Variants in RAD51B observed in about 807,000 individuals in gnomAD.
The protein encoded by RAD51B is DNA repair protein RAD51 homolog 2.
A neutral mutation model predicts 42.2 loss-of-function variants in RAD51B; 38 were observed. The ratio of observed to expected loss-of-function variants is 0.90; its 90% confidence interval spans 0.70 to 1.18. The LOEUF (loss-of-function observed/expected upper bound fraction) is 1.18, where lower values mean the gene tolerates loss of function less well. RAD51B is among the 50% of genes most tolerant of loss of function. The pLI, the probability that RAD51B is intolerant of heterozygous loss-of-function variation, is 0.00. For synonymous variants in RAD51B, 154 were observed against 145.2 expected (o/e 1.06, Z -0.43); for missense variants, 373 against 400.7 (o/e 0.93, Z 0.59).
At chr14:68,048,558 G>C (rs897237134) in intron 7 of RAD51B, among the ~76,000 whole-genome samples, 12 of 152,056 alleles carry the variant, frequency 7.9e-5, no homozygotes, top group African/African-American at 2.9e-4. Context: ...TTTCTTCTAG[G>C]GTTTTTATGG....
chr14:68,084,822 C>G (rs1390923554), intron 7 of RAD51B, among the ~76,000 whole-genome samples: 1 of 152,110 alleles, frequency 6.6e-6, no homozygotes, highest in Non-Finnish European at 1.5e-5. Context: ...GACTTGTACG[C>G]TGCTGTGTGT....
At chr14:67,879,501 G>A (rs1161413020) in intron 5 of RAD51B, among the ~76,000 whole-genome samples, 1 of 151,850 alleles carries the variant, frequency 6.6e-6, no homozygotes, top group Non-Finnish European at 1.5e-5. Flanking sequence ...GGAGTGCAGT[G>A]ACATGATCAT....
At chr14:68,506,156 A>G (rs150041427) in intron 10 of RAD51B, among the ~76,000 whole-genome samples, 2 of 152,274 alleles carry the variant, frequency 1.3e-5, no homozygotes, top group African/African-American at 4.8e-5. Context: ...AGAGGTGACA[A>G]AGCAGGACCT....
chr14:68,000,922 T>G (rs2075470090), intron 7 of RAD51B, among the ~76,000 whole-genome samples: 1 of 152,320 alleles, frequency 6.6e-6, no homozygotes, highest in East Asian at 1.9e-4. Context: ...TTTATTAGAA[T>G]TACATCGAAT....
intron 7 of RAD51B, among the ~76,000 whole-genome samples, chr14:68,078,429 C>T (rs565333731): frequency 6.6e-6 from 1 of 152,126 alleles, no homozygotes; most frequent in East Asian, 1.9e-4. Flanking sequence ...AGCTGAGTGA[C>T]TTATGAACAG....
chr14:68,184,621 A>AC (rs2079120232), intron 7 of RAD51B, among the ~76,000 whole-genome samples: 2 of 58,026 alleles, frequency 3.4e-5, no homozygotes, highest in Non-Finnish European at 8.2e-5. Flanking sequence ...AAAAAAAAAA[A>AC]AACCAAAAAA....
chr14:68,093,843 G>A (rs1245544498), intron 7 of RAD51B, among the ~76,000 whole-genome samples: 2 of 152,072 alleles, frequency 1.3e-5, no homozygotes, highest in Admixed American at 1.3e-4. Flanking sequence ...GAACATCCTG[G>A]TACTCTCCAG....
chr14:68,610,839 GTA>G (rs1344260800), intron 10 of RAD51B, among the ~76,000 whole-genome samples: 227 of 106,226 alleles, frequency 2.1e-3, no homozygotes, highest in African/African-American at 7.3e-3. Flanking sequence ...ACATCTGAAT[GTA>G]TATGTGTGTG....
At chr14:68,395,491 CT>C (rs2083890163) in intron 8 of RAD51B, among the ~76,000 whole-genome samples, 2 of 152,172 alleles carry the variant, frequency 1.3e-5, no homozygotes. Flanking sequence ...GCACTTGCCT[CT>C]TTAAAGAAGG....
At chr14:68,190,476 G>C (rs2079243412) in intron 7 of RAD51B, among the ~76,000 whole-genome samples, 4 of 152,088 alleles carry the variant, frequency 2.6e-5, no homozygotes, top group Admixed American at 1.3e-4. Flanking sequence ...CCACCAAATG[G>C]ACATCTTTTC....
At chr14:67,829,078 A>G (rs2040935989) in intron 3 of RAD51B, among the ~76,000 whole-genome samples, 1 of 152,142 alleles carries the variant, frequency 6.6e-6, no homozygotes, top group Non-Finnish European at 1.5e-5. Context: ...TTTGGGCAAT[A>G]TGGCCATTTT....
At chr14:68,655,498 C>A (rs1388598993) in intron 11 of RAD51B, among the ~76,000 whole-genome samples, 2 of 152,122 alleles carry the variant, frequency 1.3e-5, no homozygotes, top group African/African-American at 4.8e-5. Context: ...CTGAGGACGG[C>A]GGATGAATTG....
chr14:68,447,173 G>A (rs1239697397), intron 9 of RAD51B, among the ~76,000 whole-genome samples: 1 of 152,174 alleles, frequency 6.6e-6, no homozygotes, highest in Non-Finnish European at 1.5e-5. Context: ...AGCCAGGATT[G>A]TGCTACTGCA....
chr14:68,635,237 G>A (rs28779190), intron 10 of RAD51B, among the ~76,000 whole-genome samples: 8,088 of 152,196 alleles, frequency 0.053, 703 homozygotes, highest in African/African-American at 0.18. Flanking sequence ...GGGCTCCTCA[G>A]CCCCATGCCA....
chr14:68,426,684 C>T (rs1245044475), intron 9 of RAD51B, among the ~76,000 whole-genome samples: 1 of 151,914 alleles, frequency 6.6e-6, no homozygotes, highest in Non-Finnish European at 1.5e-5. Flanking sequence ...GCCTGGTTGC[C>T]TGGTAGAGAA....
intron 8 of RAD51B, among the ~76,000 whole-genome samples, chr14:68,335,494 C>G (rs1424146878): frequency 1.3e-5 from 2 of 152,138 alleles, no homozygotes; most frequent in East Asian, 1.9e-4. Flanking sequence ...AGTCTTTCCT[C>G]TATGATACTA....
chr14:67,917,597 C>CTT (rs990429051), intron 7 of RAD51B, among the ~76,000 whole-genome samples: 1 of 152,094 alleles, frequency 6.6e-6, no homozygotes, highest in African/African-American at 2.4e-5. Context: ...ATGATGATAA[C>CTT]TTAACGAGTA....
At chr14:68,450,677 C>T (rs1054088496) in intron 9 of RAD51B, among the ~76,000 whole-genome samples, 1 of 151,714 alleles carries the variant, frequency 6.6e-6, no homozygotes, top group African/African-American at 2.4e-5. Flanking sequence ...TTGCTTTATT[C>T]CTCATGACTC....
chr14:67,963,242 A>G lies in RAD51B; in HGVS notation c.756+76038A>G, dbSNP rs2074706086. Among the ~76,000 whole-genome samples, 3 of 152,124 alleles carry G rather than the reference A, an allele frequency of 2.0e-5. No homozygotes were observed. In the South Asian group the frequency reaches 6.2e-4, roughly 32 times the overall value. ...CATGTGTATAGAATTGATATTTTTTATTTTTAACTGTGACTATAATCTCAT... is the reference window on the plus strand; with the variant it reads ...CATGTGTATAGAATTGATATTTTTTGTTTTTAACTGTGACTATAATCTCAT... On this transcript the variant is annotated intron_variant, in intron 7 of 10. Transcript: ENST00000471583.
Sources: allele counts gnomAD v4.1 joint callset (sites outside exome capture counted in the v4.1 genomes callset), GRCh38; gene constraint gnomAD v4.1.1; transcripts MANE v1.5; gene names NCBI Gene and HGNC (gene_info 2026-07-23, HGNC 2026-07-21).